The following FBN2 variants were observed in gnomAD, a reference collection of about 807,000 sequenced individuals.
FBN2 encodes fibrillin 2.
Under a neutral mutation model 355.6 loss-of-function variants are expected in FBN2, and 105 were observed. The ratio of observed to expected loss-of-function variants is 0.30; its 90% CI spans 0.25 to 0.35. The LOEUF (loss-of-function observed/expected upper bound fraction) is 0.35. Among genes scored for constraint, FBN2 ranks in the 10% least tolerant of loss-of-function variants. FBN2 has a pLI of 1.00. For missense variants in FBN2, 3,280 were observed against 3,758.7 expected (o/e 0.87, Z 3.33); for synonymous variants, 1,350 against 1,301.2 (o/e 1.04, Z -0.81).
chr5:128,312,486 G>A lies in FBN2; in HGVS notation c.4879+148C>T, dbSNP rs1750081050. ...TCAAATCCTTTAACATTCTTGGCTGGTTTCAGAGTGATCACTGAAAGTAGT... is the reference window on the plus strand; with the variant it reads ...TCAAATCCTTTAACATTCTTGGCTGATTTCAGAGTGATCACTGAAAGTAGT... On this transcript the variant is annotated intron_variant, in intron 37 of 64. Coordinates refer to ENST00000262464, the MANE Select transcript of FBN2 (RefSeq NM_001999.4). 8.9e-6 allele frequency: 7 copies of A among 787,806 alleles called. No homozygotes were observed. The Admixed American group carries it at 1.5e-4, about 17-fold the overall frequency. The allele number at this position is 787,806 out of a possible 1,614,324, so 48.8% of individuals were successfully genotyped here.
chr5:128,446,661 AC>A, intron 6 of FBN2, 55 bp from the exon 7 acceptor site: 2 of 1,573,192 alleles, frequency 1.3e-6, no homozygotes, highest in Admixed American at 3.4e-5. Context: ...GAATATCTAT[AC>A]TTTTTTTTAC....
intron 5 of FBN2, among the ~76,000 whole-genome samples, chr5:128,479,511 A>G (rs1208614685): frequency 1.3e-5 from 2 of 152,154 alleles, no homozygotes; most frequent in Non-Finnish European, 2.9e-5. Context: ...CCTTATGCCC[A>G]CTTTAGAGAT....
intron 9 of FBN2, 68 bp downstream of exon 9, chr5:128,395,054 A>C: frequency 6.3e-7 from 1 of 1,584,724 alleles, no homozygotes; most frequent in Non-Finnish European, 8.7e-7. Flanking sequence ...CCAGAGAGCA[A>C]AATACAGTAC....
At chr5:128,537,274 C>T in intron 1 of FBN2, 76 bp downstream of exon 1, 1 of 1,588,460 alleles carries the variant, frequency 6.3e-7, no homozygotes, top group African/African-American at 1.3e-5. Flanking sequence ...ACGGAGTGGG[C>T]CAGAAAGCCG....
intron 11 of FBN2, among the ~76,000 whole-genome samples, chr5:128,389,943 G>T (rs1261847581): frequency 6.6e-6 from 1 of 152,028 alleles, no homozygotes; most frequent in Non-Finnish European, 1.5e-5. Flanking sequence ...TTGATGGTCT[G>T]ATCTTTCAGT....
chr5:128,360,829 T>TTAAA (rs1751620865), intron 19 of FBN2, among the ~76,000 whole-genome samples: 1 of 151,906 alleles, frequency 6.6e-6, no homozygotes, highest in Admixed American at 6.6e-5. Context: ...AACCAAATAC[T>TTAAA]TTAACAGATA....
chr5:128,400,190 A>G (rs1451359476), intron 8 of FBN2, among the ~76,000 whole-genome samples: 1 of 152,006 alleles, frequency 6.6e-6, no homozygotes, highest in Non-Finnish European at 1.5e-5. Flanking sequence ...GTGATACAAA[A>G]CAAACCAGAG....
At position 128,290,361 on chromosome 5, in the gene FBN2, T is replaced by C. The variant is rs189949206; in HGVS notation, c.6445+371A>G. 3.3e-5 allele frequency among the ~76,000 whole-genome samples: 5 copies of C among 152,216 alleles called. No homozygotes were observed. In the East Asian group the frequency reaches 5.8e-4, roughly 18 times the overall value. On this transcript the variant is annotated intron_variant, in intron 50 of 64. Coordinates refer to ENST00000262464, the MANE Select transcript of FBN2 (RefSeq NM_001999.4). ...GCTGACTCAGCTTCTCAGAATTTAATGTAACATTCTGAGAGCCACAGCCTG... is the reference window on the plus strand; with the variant it reads ...GCTGACTCAGCTTCTCAGAATTTAACGTAACATTCTGAGAGCCACAGCCTG...
rs28763955 is a variant in FBN2, at chr5:128,408,878, G to T, written c.953-79C>A. The T allele has an allele frequency of 1.3e-3, 1,978 of 1,499,326 alleles. 18 individuals carry two copies. In the African/African-American group the frequency reaches 0.022, roughly 16 times the overall value. The allele number at this position is 1,499,326 out of a possible 1,614,324, so 92.9% of individuals were successfully genotyped here. A position where few individuals can be genotyped will look rare whatever the true frequency, so the allele number is the denominator to read the frequency against. On this transcript the variant is annotated intron_variant, in intron 7 of 64. Transcript: ENST00000262464. Reference sequence around the variant, plus strand: ...TTTAAAAGAGATTTTTTTTTTAAGAGTATGAGAGCATTCATGGTTGATTAG... The same window carrying T: ...TTTAAAAGAGATTTTTTTTTTAAGATTATGAGAGCATTCATGGTTGATTAG...
intron 7 of FBN2, among the ~76,000 whole-genome samples, chr5:128,429,696 T>C (rs1753571057): frequency 6.6e-6 from 1 of 152,236 alleles, no homozygotes. Context: ...AATGCCAGGA[T>C]ACTATACTTC....
intron 11 of FBN2, among the ~76,000 whole-genome samples, chr5:128,382,720 CTT>C (rs1188390505): frequency 6.6e-6 from 1 of 152,102 alleles, no homozygotes. Context: ...GTTTTCTACT[CTT>C]TGACTCCCCA....
chr5:128,311,930 C>T lies in FBN2; in HGVS notation c.4903G>A (p.Gly1635Arg). Residue 1635 changes from glycine to arginine, a missense_variant, in exon 38 of 65, where the codon GGA becomes AGA. Physicochemically the swap from Gly to Arg is moderately radical, Grantham distance 125 (BLOSUM62 -2). Coordinates refer to ENST00000262464, the MANE Select transcript of FBN2 (RefSeq NM_001999.4). ...NSTEYYTLCP[G>R]GEGFRPNPIT... Reference sequence around the variant, plus strand: ...GGGTTAGGTCTGAAGCCTTCACCTCCGGGACACAGGGTGTAATATTCAGCT... The same window carrying T: ...GGGTTAGGTCTGAAGCCTTCACCTCTGGGACACAGGGTGTAATATTCAGCT... 6.2e-7 allele frequency: 1 copy of T among 1,611,712 alleles called. No homozygotes were observed. The highest frequency in any genetic ancestry group is 8.5e-7 in the Non-Finnish European group (1 of 1,178,098).
Position 128,446,165 on chromosome 5 carries a change from G to A in FBN2, c.952+316C>T, listed in dbSNP as rs1008945087. 1.4e-4 allele frequency: 36 copies of A among 259,378 alleles called. No individual in the cohort carries two copies. In the East Asian group the frequency reaches 1.7e-3, roughly 12 times the overall value. 16.1% of individuals were successfully genotyped at this position (259,378 alleles called of 1,614,324 possible). On this transcript the variant is annotated intron_variant, in intron 7 of 64. Coordinates refer to ENST00000262464, the MANE Select transcript of FBN2 (RefSeq NM_001999.4). ...ACTTCTTATTTCTATCTCAATTTTCGTTTTTGATATAACTTTATAAGTGAA... is the reference window on the plus strand; with the variant it reads ...ACTTCTTATTTCTATCTCAATTTTCATTTTTGATATAACTTTATAAGTGAA...
In FBN2 at chr5:128,291,533, G is replaced by T; in HGVS notation, c.6288C>A (p.Cys2096Ter). Reference protein sequence around the residue: ...GFVLSDNGRRCFDTRQSFCFT... With the variant: ...GFVLSDNGRR ...TGAAGTCATGCCAAATCTTACCAAA[G>T]CATCTCCGTCCATTATCAGATAGTA... The change falls in exon 49 of 65, where the codon TGC (cysteine) becomes TGA (stop). Residue 2096 changes from cysteine (C) to a stop codon, truncating the protein, a stop_gained. Transcript: ENST00000262464. LOFTEE classifies it high-confidence loss of function. 6.2e-7 allele frequency: 1 copy of T among 1,613,862 alleles called. No homozygotes were observed. The highest frequency in any genetic ancestry group is 8.5e-7 in the Non-Finnish European group (1 of 1,179,838).
chr5:128,468,171 T>C (rs1754764432), intron 5 of FBN2, among the ~76,000 whole-genome samples: 1 of 152,200 alleles, frequency 6.6e-6, no homozygotes, highest in Non-Finnish European at 1.5e-5. Context: ...TCTGGACAAT[T>C]AATATAAGTG....
At chr5:128,378,202 A>G (rs1752137132) in intron 12 of FBN2, among the ~76,000 whole-genome samples, 3 of 152,106 alleles carry the variant, frequency 2.0e-5, no homozygotes, top group Admixed American at 2.0e-4. Flanking sequence ...AAGATGTTGG[A>G]TAAGTGTAAA....
Position 128,273,787 on chromosome 5 carries a change from A to T in FBN2, c.7840+53T>A, listed in dbSNP as rs1765320634. 1.9e-5 allele frequency: 30 copies of T among 1,573,136 alleles called. 1 individual carries two copies. The South Asian group carries it at 3.3e-4, about 17-fold the overall frequency. On this transcript the variant is annotated intron_variant, in intron 61 of 64. Coordinates refer to ENST00000262464, the MANE Select transcript of FBN2 (RefSeq NM_001999.4). ...TACCAATTTGTCTTGGAAGTTAAAA[A>T]TATATATGGTTTACTGTTATTAGAT... is the stretch of plus-strand genomic sequence containing the variant.
chr5:128,366,710 T>A (rs1382652592), intron 16 of FBN2, among the ~76,000 whole-genome samples: 1 of 152,116 alleles, frequency 6.6e-6, no homozygotes, highest in Non-Finnish European at 1.5e-5. Context: ...AAGAAAAATA[T>A]AAATGGTCTT....
intron 11 of FBN2, among the ~76,000 whole-genome samples, chr5:128,386,181 CTT>C (rs1419381971): frequency 6.6e-6 from 1 of 152,062 alleles, no homozygotes; most frequent in Non-Finnish European, 1.5e-5. Context: ...TTTAATCAAT[CTT>C]GAGTTAATTT....
Sources: gnomAD v4.1 joint callset for allele counts (sites outside exome capture counted in the v4.1 genomes callset) on GRCh38, gnomAD v4.1.1 for gene constraint, MANE v1.5 for transcripts, NCBI Gene and HGNC (gene_info 2026-07-23, HGNC 2026-07-21) for gene names.